THOC2: variants seen among roughly 807,000 people sequenced by gnomAD.
THOC2 encodes THO complex subunit 2, also known as THO complex 2.
A neutral mutation model predicts 128.4 loss-of-function variants in THOC2; 10 were observed. The ratio of observed to expected loss-of-function variants is 0.08; its 90% CI spans 0.05 to 0.13. The LOEUF (loss-of-function observed/expected upper bound fraction) is 0.13. Among genes scored for constraint, THOC2 ranks in the 10% least tolerant of loss-of-function variants. THOC2 has a pLI of 1.00. For synonymous variants in THOC2, 393 were observed against 396.9 expected, an observed-to-expected ratio of 0.99 and a Z score of 0.12; for missense variants, 535 against 1,155.7, an observed-to-expected ratio of 0.46 and a Z score of 7.79.
chrX:123,720,842 T>C (rs969805774), intron 1 of THOC2, among the ~76,000 whole-genome samples: 113 of 112,134 alleles, frequency 1.0e-3, no homozygotes, highest in African/African-American at 3.5e-3. Flanking sequence ...ATTCTACTTA[T>C]ATAAAGTATC....
chrX:123,633,548 A>G (rs1380023048), intron 20 of THOC2, among the ~76,000 whole-genome samples: 3 of 110,990 alleles, frequency 2.7e-5, no homozygotes, highest in Non-Finnish European at 5.7e-5. Context: ...GATTACAGGC[A>G]CCCACCACTA....
At chrX:123,617,223 A>G (rs1393315547) in intron 33 of THOC2, among the ~76,000 whole-genome samples, 1 of 111,507 alleles carries the variant, frequency 9.0e-6, no homozygotes. Context: ...GATCACTTCA[A>G]GTATTTATTG....
chrX:123,692,261 A>T (rs1170227844), intron 7 of THOC2, among the ~76,000 whole-genome samples: 2 of 111,472 alleles, frequency 1.8e-5, no homozygotes, highest in African/African-American at 6.5e-5. Flanking sequence ...TTTTTTTGCC[A>T]TCTTCAAGCT....
chrX:123,621,364 C>T lies in THOC2; in HGVS notation c.4009G>A (p.Ala1337Thr), dbSNP rs866093948. 1 of 1,210,579 alleles carries T rather than the reference C, an allele frequency of 8.3e-7. No homozygotes were observed. Among genetic ancestry groups the T allele is most frequent in the Admixed American group, 2.2e-5 (1 of 45,852 alleles). Residue 1337 changes from alanine to threonine, a missense_variant, in exon 31 of 39, where the codon GCT (alanine) becomes ACT (threonine). Coordinates refer to ENST00000245838, the MANE Select transcript of THOC2 (RefSeq NM_001081550.2). ...EKEKFKKEEK[A>T]KDEKFKTTVP... ...GTGGTCTTAAATTTCTCATCTTTAGCTTTTTCTTCCTTCTTGAATTTTTCT... is the reference window on the plus strand; with the variant it reads ...GTGGTCTTAAATTTCTCATCTTTAGTTTTTTCTTCCTTCTTGAATTTTTCT...
chrX:123,680,674 A>T (rs894940542), intron 8 of THOC2, among the ~76,000 whole-genome samples: 1 of 111,117 alleles, frequency 9.0e-6, no homozygotes, highest in Non-Finnish European at 1.9e-5. Context: ...TCTAAGAGAC[A>T]TCTCAAACTT....
intron 4 of THOC2, among the ~76,000 whole-genome samples, chrX:123,701,311 G>A (rs1477207879): frequency 8.9e-6 from 1 of 112,401 alleles, no homozygotes. Context: ...AGCCAAGATC[G>A]TGCCACTGCA....
chrX:123,713,663 C>T (rs1330418535), intron 1 of THOC2, among the ~76,000 whole-genome samples: 2 of 109,018 alleles, frequency 1.8e-5, no homozygotes, highest in Non-Finnish European at 3.8e-5. Flanking sequence ...GCCTGGGAAA[C>T]GTGGTGAAAC....
At chrX:123,728,556 G>A (rs1450282161) in intron 1 of THOC2, among the ~76,000 whole-genome samples, 1 of 110,891 alleles carries the variant, frequency 9.0e-6, no homozygotes, top group Non-Finnish European at 1.9e-5. Context: ...GAGCAACTTT[G>A]CGAGGAAAAA....
At chrX:123,659,442 G>A (rs1025760810) in intron 12 of THOC2, among the ~76,000 whole-genome samples, 3 of 112,264 alleles carry the variant, frequency 2.7e-5, no homozygotes, top group Non-Finnish European at 5.6e-5. Flanking sequence ...ACGGTGGCGC[G>A]TGCCTGTAGT....
chrX:123,622,423 T>C (rs1362637285), intron 30 of THOC2, among the ~76,000 whole-genome samples: 3 of 112,618 alleles, frequency 2.7e-5, no homozygotes, highest in African/African-American at 9.7e-5. Flanking sequence ...CAAGCATAAC[T>C]ATACAAAACA....
rs1010111457 is a variant in THOC2, at chrX:123,711,542, G to C, written c.130+1308C>G. ...CTCACACCTGTAATACCAGCACTTT[G>C]GGAGGCCAAGGCAGGCAGATCACCT... On this transcript the variant is annotated intron_variant, in intron 2 of 38. Transcript: ENST00000245838. Among the ~76,000 whole-genome samples, 6 of 110,473 alleles carry C rather than the reference G, an allele frequency of 5.4e-5. No homozygotes were observed. In the Admixed American group the frequency reaches 5.8e-4, roughly 11 times the overall value.
intron 2 of THOC2, among the ~76,000 whole-genome samples, chrX:123,710,377 C>A (rs1480587423): frequency 1.8e-5 from 2 of 112,258 alleles, no homozygotes; most frequent in African/African-American, 6.5e-5. Flanking sequence ...ATTTTATCCA[C>A]CTAATGTTTC....
At chrX:123,707,579 A>G (rs1382733239) in intron 2 of THOC2, among the ~76,000 whole-genome samples, 4 of 111,424 alleles carry the variant, frequency 3.6e-5, no homozygotes, top group African/African-American at 1.3e-4. Context: ...ACTATTAATT[A>G]CCACAGTCCC....
chrX:123,732,891 G>A (rs1251049372), intron 1 of THOC2, 61 bp downstream of exon 1: 3 of 1,092,727 alleles, frequency 2.7e-6, no homozygotes, highest in Admixed American at 4.4e-5. Flanking sequence ...CTACAGGTGA[G>A]AGTGCAGCTG....
chrX:123,680,584 C>T (rs149315377), intron 8 of THOC2, among the ~76,000 whole-genome samples: 2 of 110,475 alleles, frequency 1.8e-5, no homozygotes, highest in East Asian at 5.7e-4. Flanking sequence ...TCTCTCGTTC[C>T]ACCTAACGAA....
chrX:123,653,596 T>C (rs1340817203), intron 12 of THOC2, among the ~76,000 whole-genome samples: 1 of 108,715 alleles, frequency 9.2e-6, no homozygotes, highest in Non-Finnish European at 1.9e-5. Flanking sequence ...CATCAAAAAG[T>C]GGGCGAATGA....
chrX:123,665,408 C>T (rs1238091918), intron 12 of THOC2, among the ~76,000 whole-genome samples: 1 of 111,315 alleles, frequency 9.0e-6, no homozygotes, highest in Non-Finnish European at 1.9e-5. Flanking sequence ...TGTATAAGTA[C>T]ACTCTCTGAT....
At chrX:123,706,370 CTTCTT>C (rs1468889320) in intron 3 of THOC2, among the ~76,000 whole-genome samples, 1 of 109,024 alleles carries the variant, frequency 9.2e-6, no homozygotes, top group Non-Finnish European at 1.9e-5. Flanking sequence ...ACCTTAATTT[CTTCTT>C]TTTTTTTAAT....
In THOC2 at chrX:123,706,847, T is replaced by C. The variant is rs1462187533; in HGVS notation, c.222+11A>G. On this transcript the variant is annotated intron_variant, in intron 3 of 38. Coordinates refer to ENST00000245838, the MANE Select transcript of THOC2 (RefSeq NM_001081550.2). Reference sequence around the variant, plus strand: ...ACAACTATTAACTTAAAAAAATATATACATACTTACACTAATGTCACTAAG... The same window carrying C: ...ACAACTATTAACTTAAAAAAATATACACATACTTACACTAATGTCACTAAG... 1 of 951,194 alleles carries C rather than the reference T, an allele frequency of 1.1e-6. No individual in the cohort carries two copies. Among genetic ancestry groups the C allele is most frequent in the East Asian group, 3.4e-5 (1 of 29,507 alleles). The allele number at this position is 951,194 out of a possible 1,213,427, so 78.4% of individuals were successfully genotyped here.
Sources: gnomAD v4.1 joint callset for allele counts (sites outside exome capture counted in the v4.1 genomes callset) on GRCh38, gnomAD v4.1.1 for gene constraint, MANE v1.5 for transcripts, NCBI Gene and HGNC (gene_info 2026-07-23, HGNC 2026-07-21) for gene names.